Variants in KCNMA1 observed in about 807,000 individuals in gnomAD.
KCNMA1 encodes potassium calcium-activated channel subfamily M alpha 1.
In KCNMA1, 29 loss-of-function variants were observed where a neutral mutation model predicts 140.0. That is an observed-to-expected ratio of 0.21 (90% confidence interval 0.15 to 0.28). KCNMA1 has a LOEUF of 0.28. Among genes scored for constraint, KCNMA1 ranks in the 10% least tolerant of loss-of-function variants. KCNMA1 has a pLI of 1.00. For missense variants in KCNMA1, 880 were observed against 1,602.2 expected (o/e 0.55, Z 7.70); for synonymous variants, 612 against 611.9 (o/e 1.00, Z 0.00).
At chr10:77,488,103 C>A (rs1452203064) in intron 1 of KCNMA1, among the ~76,000 whole-genome samples, 1 of 152,168 alleles carries the variant, frequency 6.6e-6, no homozygotes, top group Non-Finnish European at 1.5e-5. Flanking sequence ...GTGGAGCCAG[C>A]CCTGGTCATT....
At chr10:77,165,003 A>G (rs950101726) in intron 5 of KCNMA1, among the ~76,000 whole-genome samples, 1 of 152,198 alleles carries the variant, frequency 6.6e-6, no homozygotes, top group Non-Finnish European at 1.5e-5. Context: ...CAGACATGCC[A>G]TAATAGAAAG....
chr10:77,611,696 T>C (rs540214586), intron 1 of KCNMA1, among the ~76,000 whole-genome samples: 1 of 152,306 alleles, frequency 6.6e-6, no homozygotes, highest in East Asian at 1.9e-4. Context: ...GATGTCTAGA[T>C]ACAGAAACTG....
intron 3 of KCNMA1, among the ~76,000 whole-genome samples, chr10:77,210,685 C>A (rs1191121249): frequency 6.6e-6 from 1 of 152,150 alleles, no homozygotes; most frequent in Non-Finnish European, 1.5e-5. Context: ...TTATAAAAGG[C>A]TGTTATAACT....
intron 20 of KCNMA1, among the ~76,000 whole-genome samples, chr10:76,958,452 G>C (rs2069330225): frequency 6.6e-6 from 1 of 152,204 alleles, no homozygotes; most frequent in East Asian, 1.9e-4. Context: ...TATGATGTGA[G>C]ATATATCTGC....
intron 1 of KCNMA1, among the ~76,000 whole-genome samples, chr10:77,407,520 A>C (rs530722518): frequency 6.6e-6 from 1 of 152,366 alleles, no homozygotes; most frequent in African/African-American, 2.4e-5. Flanking sequence ...TAATACATCC[A>C]ACAGGCAAGT....
chr10:77,140,567 A>G lies in KCNMA1; in HGVS notation c.809-19519T>C, dbSNP rs1435334087. 2.6e-5 allele frequency: 4 copies of G among 152,540 alleles called. No individual in the cohort carries two copies. The East Asian group carries it at 5.8e-4, about 22-fold the overall frequency. The allele number at this position is 152,540 out of a possible 1,614,324, so 9.4% of individuals were successfully genotyped here. The stretch of plus-strand genomic sequence containing the variant: ...TTCCATTCACTTCTTGCAGGAGTCA[A>G]TGCTCTGGAAAGACCTGGAGGAGCC... On this transcript the variant is annotated intron_variant, in intron 5 of 27. Coordinates refer to ENST00000286628, the MANE Select transcript of KCNMA1 (RefSeq NM_001161352.2).
intron 18 of KCNMA1, among the ~76,000 whole-genome samples, chr10:77,010,892 C>T (rs1261548866): frequency 1.3e-5 from 2 of 151,892 alleles, no homozygotes; most frequent in African/African-American, 4.8e-5. Flanking sequence ...CATTGCCTTT[C>T]CCTTCTGCAA....
Position 77,445,395 on chromosome 10 carries a change from C to CAT in KCNMA1, c.379-41374_379-41373dup, listed in dbSNP as rs1491181945. 3.7e-3 allele frequency among the ~76,000 whole-genome samples: 557 copies of CAT among 148,958 alleles called. 3 individuals carry two copies. The highest frequency in any genetic ancestry group is 0.013 in the African/African-American group (517 of 40,106). Reference sequence around the variant, plus strand: ...ACACACACACACACACACACACACACATATGAAAAATAAAAAAAATCTTGC... The same window carrying CAT: ...ACACACACACACACACACACACACACATATATGAAAAATAAAAAAAATCTTGC... On this transcript the variant is annotated intron_variant, in intron 1 of 27. Coordinates refer to ENST00000286628, the MANE Select transcript of KCNMA1 (RefSeq NM_001161352.2).
intron 20 of KCNMA1, among the ~76,000 whole-genome samples, chr10:76,963,153 G>C (rs2072392567): frequency 6.6e-6 from 1 of 152,160 alleles, no homozygotes; most frequent in Non-Finnish European, 1.5e-5. Context: ...GCAACTATTT[G>C]GTTCTCCAGT....
chr10:77,094,705 T>A (rs974345382), intron 9 of KCNMA1, among the ~76,000 whole-genome samples: 10 of 152,110 alleles, frequency 6.6e-5, no homozygotes, highest in Non-Finnish European at 1.3e-4. Flanking sequence ...ATATTATATT[T>A]TATTTATTTT....
chr10:77,470,412 G>A (rs1260583531), intron 1 of KCNMA1, among the ~76,000 whole-genome samples: 1 of 152,048 alleles, frequency 6.6e-6, no homozygotes, highest in African/African-American at 2.4e-5. Context: ...GGGAGGGTAG[G>A]GCAGCAGAAG....
chr10:77,395,098 G>A (rs968431922), intron 2 of KCNMA1, among the ~76,000 whole-genome samples: 1 of 152,228 alleles, frequency 6.6e-6, no homozygotes, highest in Admixed American at 6.5e-5. Context: ...TGTAATCCCA[G>A]CACTTTGGGA....
chr10:77,171,287 C>T (rs2098702941), intron 5 of KCNMA1, among the ~76,000 whole-genome samples: 1 of 152,108 alleles, frequency 6.6e-6, no homozygotes, highest in Admixed American at 6.6e-5. Flanking sequence ...GTTTGAGAAC[C>T]ACTGGTCTAT....
intron 2 of KCNMA1, among the ~76,000 whole-genome samples, chr10:77,370,407 A>C (rs1355334675): frequency 6.6e-6 from 1 of 152,166 alleles, no homozygotes; most frequent in Non-Finnish European, 1.5e-5. Flanking sequence ...CTACCAAAAA[A>C]AAAGCCCTTC....
intron 1 of KCNMA1, among the ~76,000 whole-genome samples, chr10:77,633,942 T>C (rs985469877): frequency 1.3e-5 from 2 of 152,226 alleles, no homozygotes; most frequent in East Asian, 1.9e-4. Flanking sequence ...CCTAAAGGAA[T>C]TGCTAGGGAA....
At chr10:76,870,572 G>A (rs539616937) in exon 28 of KCNMA1, 2 of 152,266 alleles carry the variant, frequency 1.3e-5, no homozygotes, top group African/African-American at 2.4e-5. Context: ...AAGCAAGGTG[G>A]TCGTAGCATT....
chr10:77,434,724 T>A (rs955372070), intron 1 of KCNMA1, among the ~76,000 whole-genome samples: 1 of 152,134 alleles, frequency 6.6e-6, no homozygotes, highest in East Asian at 1.9e-4. Context: ...CACCCCTGCC[T>A]CCAAGGAGTT....
Position 77,241,646 on chromosome 10 carries a change from T to C in KCNMA1, c.602+9549A>G, listed in dbSNP as rs548973021. Among the ~76,000 whole-genome samples, 22 of 151,072 alleles carry C rather than the reference T, an allele frequency of 1.5e-4. No homozygotes were observed. In the South Asian group the frequency reaches 4.4e-3, roughly 30 times the overall value. Reference sequence around the variant, plus strand: ...CTGGGAAACAGAGTGAGACCCTGTCTCAAAGAAAAAAAAAAAATTTGCCAG... The same window carrying C: ...CTGGGAAACAGAGTGAGACCCTGTCCCAAAGAAAAAAAAAAAATTTGCCAG... On this transcript the variant is annotated intron_variant, in intron 3 of 27. Transcript: ENST00000286628.
At chr10:77,396,334 G>C (rs35025464) in intron 2 of KCNMA1, among the ~76,000 whole-genome samples, 1 of 152,156 alleles carries the variant, frequency 6.6e-6, no homozygotes, top group East Asian at 1.9e-4. Flanking sequence ...CAGAGACAGA[G>C]ACAGAGAGAG....
Sources: allele counts gnomAD v4.1 joint callset (sites outside exome capture counted in the v4.1 genomes callset), GRCh38; gene constraint gnomAD v4.1.1; transcripts MANE v1.5; gene names NCBI Gene and HGNC (gene_info 2026-07-23, HGNC 2026-07-21).